The following CNTN5 variants were observed in gnomAD, a reference collection of about 807,000 sequenced individuals.
CNTN5 encodes the protein contactin 5.
In CNTN5, 77 loss-of-function variants were observed where a neutral mutation model predicts 129.1. The ratio of observed to expected loss-of-function variants is 0.60; its 90% confidence interval spans 0.50 to 0.72. The LOEUF (loss-of-function observed/expected upper bound fraction) is 0.72, where lower values mean the gene tolerates loss of function less well. Among genes scored for constraint, CNTN5 ranks in the 30% least tolerant of loss-of-function variants. The pLI is 0.00. For missense variants in CNTN5, 1,478 were observed against 1,328.8 expected (o/e 1.11, Z -1.75); for synonymous variants, 509 against 465.6 (o/e 1.09, Z -1.20).
intron 2 of CNTN5, among the ~76,000 whole-genome samples, chr11:99,522,837 C>T (rs1947319261): frequency 6.6e-6 from 1 of 152,198 alleles, no homozygotes. Context: ...CTTAACTCCT[C>T]TCCTTGTAAC....
chr11:99,242,581 T>G (rs1432259348), intron 1 of CNTN5, among the ~76,000 whole-genome samples: 2 of 152,058 alleles, frequency 1.3e-5, no homozygotes, highest in Non-Finnish European at 2.9e-5. Context: ...AAAGATTCTG[T>G]CACACAGGTA....
chr11:99,261,035 C>G (rs987563379), intron 1 of CNTN5, among the ~76,000 whole-genome samples: 3 of 151,686 alleles, frequency 2.0e-5, no homozygotes, highest in African/African-American at 7.2e-5. Context: ...TCCCCTTTTT[C>G]AATTGTCAAA....
chr11:99,676,556 T>G (rs1449188505), intron 3 of CNTN5, among the ~76,000 whole-genome samples: 2 of 152,250 alleles, frequency 1.3e-5, no homozygotes, highest in Admixed American at 6.5e-5. Flanking sequence ...TTTCAAGGGC[T>G]TCTGCCTATA....
chr11:99,577,844 A>ATTG (rs778051757), intron 3 of CNTN5, among the ~76,000 whole-genome samples: 3 of 150,158 alleles, frequency 2.0e-5, no homozygotes, highest in Non-Finnish European at 4.5e-5. Context: ...TATTATTATT[A>ATTG]TACTTTAAGT....
intron 23 of CNTN5, among the ~76,000 whole-genome samples, chr11:100,347,753 G>A (rs911768945): frequency 6.6e-6 from 1 of 151,884 alleles, no homozygotes; most frequent in Non-Finnish European, 1.5e-5. Flanking sequence ...CCATCCCATT[G>A]TCACCGAGGC....
intron 7 of CNTN5, among the ~76,000 whole-genome samples, chr11:99,941,594 A>G (rs1490698046): frequency 6.6e-6 from 1 of 152,074 alleles, no homozygotes; most frequent in African/African-American, 2.4e-5. Context: ...ACAAAGAGAA[A>G]GAGAGATAGA....
intron 3 of CNTN5, among the ~76,000 whole-genome samples, chr11:99,763,873 G>C (rs1397689855): frequency 1.3e-5 from 2 of 151,858 alleles, no homozygotes; most frequent in Admixed American, 1.3e-4. Context: ...AATTCTATGG[G>C]CAAAATAGAA....
chr11:100,160,145 C>A (rs1947395992), intron 13 of CNTN5, among the ~76,000 whole-genome samples: 1 of 151,890 alleles, frequency 6.6e-6, no homozygotes, highest in African/African-American at 2.4e-5. Context: ...TTGTTCACCT[C>A]CCACTTATGA....
chr11:99,446,312 C>T (rs536708050), intron 2 of CNTN5, among the ~76,000 whole-genome samples: 2 of 152,230 alleles, frequency 1.3e-5, no homozygotes, highest in South Asian at 4.2e-4. Flanking sequence ...AAGATCTCAA[C>T]TTTGGAGAAT....
At chr11:99,033,147 A>G (rs1341181372) in intron 1 of CNTN5, among the ~76,000 whole-genome samples, 1,541 of 150,952 alleles carry the variant, frequency 0.01, 24 homozygotes, top group African/African-American at 0.036. Context: ...TGGTACCAGT[A>G]CCATGCTGTT....
chr11:100,128,438 C>T (rs1232356453), intron 13 of CNTN5, among the ~76,000 whole-genome samples: 2 of 152,078 alleles, frequency 1.3e-5, no homozygotes, highest in Non-Finnish European at 2.9e-5. Context: ...ATCCTAATCC[C>T]CAGAACCTGT....
At chr11:99,959,458 T>G (rs1950885646) in intron 8 of CNTN5, among the ~76,000 whole-genome samples, 1 of 152,202 alleles carries the variant, frequency 6.6e-6, no homozygotes, top group African/African-American at 2.4e-5. Flanking sequence ...TCAATAGAGA[T>G]AGTATACTGT....
intron 6 of CNTN5, among the ~76,000 whole-genome samples, chr11:99,879,544 A>C (rs1003826117): frequency 6.6e-6 from 1 of 152,262 alleles, no homozygotes; most frequent in Admixed American, 6.5e-5. Context: ...ACTTCTATCG[A>C]TGTTACTTCT....
intron 2 of CNTN5, among the ~76,000 whole-genome samples, chr11:99,552,816 C>A (rs1384607817): frequency 1.3e-5 from 2 of 152,100 alleles, no homozygotes; most frequent in Non-Finnish European, 2.9e-5. Context: ...CTTTCTCTCG[C>A]TGGTTCTCTC....
At chr11:100,257,353 G>A (rs1950094194) in intron 17 of CNTN5, among the ~76,000 whole-genome samples, 1 of 152,138 alleles carries the variant, frequency 6.6e-6, no homozygotes, top group African/African-American at 2.4e-5. Context: ...GCAGCTGTGG[G>A]CACAGCTTCA....
intron 17 of CNTN5, among the ~76,000 whole-genome samples, chr11:100,270,317 C>G (rs545380686): frequency 3.3e-5 from 5 of 152,282 alleles, no homozygotes; most frequent in African/African-American, 1.2e-4. Flanking sequence ...CAACTCCCAC[C>G]CCGGCTCTAC....
At chr11:99,156,103 A>C (rs577015378) in intron 1 of CNTN5, among the ~76,000 whole-genome samples, 8 of 152,226 alleles carry the variant, frequency 5.3e-5, no homozygotes, top group African/African-American at 9.6e-5. Flanking sequence ...GACAGATTTA[A>C]CTATATAAAA....
intron 16 of CNTN5, among the ~76,000 whole-genome samples, chr11:100,228,733 G>GT (rs1952864130): frequency 6.6e-6 from 1 of 152,170 alleles, no homozygotes; most frequent in South Asian, 2.1e-4. Flanking sequence ...GGAAGCTGAG[G>GT]TCTCAGCCCT....
At chr11:99,313,099 C>A (rs1865185903) in intron 1 of CNTN5, among the ~76,000 whole-genome samples, 1 of 150,516 alleles carries the variant, frequency 6.6e-6, no homozygotes. Flanking sequence ...TCACGCAATC[C>A]AAGATTTGAA....
Sources: allele counts gnomAD v4.1 joint callset (sites outside exome capture counted in the v4.1 genomes callset), GRCh38; gene constraint gnomAD v4.1.1; transcripts MANE v1.5; gene names NCBI Gene and HGNC (gene_info 2026-07-23, HGNC 2026-07-21).